The following LHFPL3 variants were observed in gnomAD, a reference collection of about 807,000 sequenced individuals.
LHFPL3 encodes the protein LHFPL tetraspan subfamily member 3 protein.
LHFPL3 carries 5 observed loss-of-function variants against 19.3 expected under a neutral mutation model. The observed-to-expected ratio is 0.26, with a 90% CI of 0.14 to 0.54. The LOEUF (loss-of-function observed/expected upper bound fraction) is 0.54. LHFPL3 is among the 20% of genes least tolerant of loss of function. LHFPL3 has a pLI of 0.94. For missense variants in LHFPL3, 249 were observed against 307.4 expected (o/e 0.81, Z 1.42); for synonymous variants, 133 against 126.2 (o/e 1.05, Z -0.36).
At chr7:104,593,145 A>C (rs187380672) in intron 1 of LHFPL3, among the ~76,000 whole-genome samples, 19 of 152,170 alleles carry the variant, frequency 1.2e-4, no homozygotes, top group Admixed American at 2.6e-4. Context: ...TGTCAATTTT[A>C]GATCTTTCCT....
At chr7:104,507,182 G>A (rs1793715763) in intron 1 of LHFPL3, among the ~76,000 whole-genome samples, 2 of 151,912 alleles carry the variant, frequency 1.3e-5, no homozygotes, top group Non-Finnish European at 2.9e-5. Context: ...AAAGCTGGAG[G>A]CATCACACTA....
chr7:104,412,629 T>A (rs535156720), intron 1 of LHFPL3, among the ~76,000 whole-genome samples: 10 of 152,238 alleles, frequency 6.6e-5, no homozygotes, highest in African/African-American at 2.4e-4. Context: ...TGGTTTTTCT[T>A]GCTGCATTAG....
At chr7:104,758,195 G>T (rs1473789940) in intron 2 of LHFPL3, among the ~76,000 whole-genome samples, 1 of 152,138 alleles carries the variant, frequency 6.6e-6, no homozygotes, top group South Asian at 2.1e-4. Context: ...ACTCCTGGAG[G>T]AGGGAAAGAA....
chr7:104,683,587 T>A (rs1213818809), intron 1 of LHFPL3, among the ~76,000 whole-genome samples: 1 of 115,808 alleles, frequency 8.6e-6, no homozygotes, highest in Non-Finnish European at 1.9e-5. Context: ...GGATATTTAA[T>A]ACTCTTCTCT....
intron 1 of LHFPL3, among the ~76,000 whole-genome samples, chr7:104,431,951 A>G (rs1256397958): frequency 6.6e-6 from 1 of 152,184 alleles, no homozygotes; most frequent in African/African-American, 2.4e-5. Flanking sequence ...CAAGGGGCCA[A>G]TGAACCTTGC....
intron 1 of LHFPL3, among the ~76,000 whole-genome samples, chr7:104,466,423 GAC>G (rs1033205208): frequency 1.3e-5 from 2 of 152,028 alleles, no homozygotes; most frequent in African/African-American, 4.8e-5. Flanking sequence ...TAACATTGGA[GAC>G]AAGAGAAATA....
rs550446943 is a variant in LHFPL3 at position 104,378,802 on chromosome 7, G to A, written c.445+49578G>A. Among the ~76,000 whole-genome samples the A allele has an allele frequency of 8.5e-5, 13 of 152,260 alleles. No homozygotes were observed. The East Asian group carries it at 2.5e-3, about 29-fold the overall frequency. On this transcript the variant is annotated intron_variant, in intron 1 of 2. Coordinates refer to ENST00000424859, the MANE Select transcript of LHFPL3 (RefSeq NM_199000.3). ...ACTGGCCACTAGTATATCTTCTTCA[G>A]TGAAGTGTCTTTTCAACTCTTTTGT...
chr7:104,630,711 T>G (rs71558691), intron 1 of LHFPL3, among the ~76,000 whole-genome samples: 6,090 of 152,242 alleles, frequency 0.04, 191 homozygotes, highest in Admixed American at 0.072. Context: ...GGTCCAATTA[T>G]AGCAGAAAAA....
At chr7:104,668,721 C>A in intron 1 of LHFPL3, 2 of 1,558,490 alleles carry the variant, frequency 1.3e-6, no homozygotes, top group South Asian at 2.3e-5. Flanking sequence ...TAGAGGTCCC[C>A]CCCCCCCCAA....
chr7:104,469,016 G>A (rs1332256852), intron 1 of LHFPL3, among the ~76,000 whole-genome samples: 2 of 152,102 alleles, frequency 1.3e-5, no homozygotes, highest in Admixed American at 1.3e-4. Flanking sequence ...AGAGAGCTTT[G>A]ATTCACTCAG....
intron 1 of LHFPL3, among the ~76,000 whole-genome samples, chr7:104,381,810 A>G (rs1359733709): frequency 6.6e-6 from 1 of 152,208 alleles, no homozygotes; most frequent in Non-Finnish European, 1.5e-5. Context: ...GACTTTTAAA[A>G]TATCCTGTTT....
chr7:104,555,006 C>T (rs1794736945), intron 1 of LHFPL3, among the ~76,000 whole-genome samples: 1 of 152,162 alleles, frequency 6.6e-6, no homozygotes, highest in Admixed American at 6.5e-5. Context: ...TTTCCTCTGC[C>T]TTTTGGTTTT....
rs920866759 is a variant in LHFPL3 at position 104,802,491 on chromosome 7, C to CAA, written c.682+65603_682+65604dup. ...CTGGGCAAGAGAGCCAACCCTATCT[C>CAA]AAAAAAAAAAAAAAAAAAAAAAAAG... On this transcript the variant is annotated intron_variant, in intron 2 of 2. Transcript: ENST00000424859. 7.1e-3 allele frequency among the ~76,000 whole-genome samples: 462 copies of CAA among 65,198 alleles called. 5 individuals are homozygous for CAA. Among genetic ancestry groups the CAA allele is most frequent in the South Asian group, 0.018 (25 of 1,426 alleles). The allele number at this position is 65,198 out of a possible 152,430, so 42.8% of individuals were successfully genotyped here.
At chr7:104,621,372 C>T (rs147940378) in intron 1 of LHFPL3, among the ~76,000 whole-genome samples, 84 of 152,330 alleles carry the variant, frequency 5.5e-4, no homozygotes, top group African/African-American at 1.9e-3. Flanking sequence ...ATGCCCTTTC[C>T]TAAAAGCACA....
intron 1 of LHFPL3, among the ~76,000 whole-genome samples, chr7:104,712,043 G>A (rs1453349810): frequency 6.6e-6 from 1 of 152,218 alleles, no homozygotes; most frequent in Non-Finnish European, 1.5e-5. Context: ...GGGGAATTAA[G>A]GTTGCTGTTG....
At chr7:104,749,239 T>G (rs952716719) in intron 2 of LHFPL3, among the ~76,000 whole-genome samples, 5 of 152,280 alleles carry the variant, frequency 3.3e-5, no homozygotes, top group Admixed American at 6.5e-5. Flanking sequence ...CTATTGCCAG[T>G]CCTGCATTGG....
At chr7:104,438,186 A>G (rs1436421044) in intron 1 of LHFPL3, among the ~76,000 whole-genome samples, 2 of 152,224 alleles carry the variant, frequency 1.3e-5, no homozygotes, top group Admixed American at 6.5e-5. Context: ...AGGGAGAGAT[A>G]TAATATTTAT....
intron 1 of LHFPL3, among the ~76,000 whole-genome samples, chr7:104,450,588 G>C (rs10232719): frequency 6.6e-6 from 1 of 151,922 alleles, no homozygotes; most frequent in Non-Finnish European, 1.5e-5. Context: ...TGGGGGACTG[G>C]GGGAGGGAGA....
chr7:104,812,664 C>T (rs1790494262), intron 2 of LHFPL3, among the ~76,000 whole-genome samples: 2 of 150,348 alleles, frequency 1.3e-5, no homozygotes, highest in Non-Finnish European at 3.0e-5. Context: ...ATTAGCCAGG[C>T]GAGGTGTCAG....
Sources: gnomAD v4.1 joint callset for allele counts (sites outside exome capture counted in the v4.1 genomes callset) on GRCh38, gnomAD v4.1.1 for gene constraint, MANE v1.5 for transcripts, NCBI Gene and HGNC (gene_info 2026-07-23, HGNC 2026-07-21) for gene names.